AUNIP: variants seen among roughly 807,000 people sequenced by gnomAD.
AUNIP encodes aurora kinase A and ninein interacting protein.
A neutral mutation model predicts 12.2 loss-of-function variants in AUNIP; 16 were observed. The observed-to-expected ratio is 1.31, with a 90% CI of 0.88 to 1.99. The LOEUF is 1.99. Among genes scored for constraint, AUNIP ranks in the 30% most tolerant of loss-of-function variants. The pLI is 0.00. For synonymous variants in AUNIP, 142 were observed against 154.8 expected (o/e 0.92, Z 0.61); for missense variants, 411 against 419.1 (o/e 0.98, Z 0.17).
At position 25,837,566 on chromosome 1, in the gene AUNIP, G is replaced by C; in HGVS notation, c.79-12C>G. The C allele has an allele frequency of 7.5e-6, 12 of 1,606,644 alleles. No individual in the cohort carries two copies. Among genetic ancestry groups the C allele is most frequent in the Admixed American group, 1.7e-5 (1 of 58,670 alleles). The stretch of plus-strand genomic sequence containing the variant: ...TTGATTAAATGTGTCTGAGAAAGGA[G>C]AGAAAAAAGAATAATGAGCCTATTA... On this transcript the variant is annotated splice_polypyrimidine_tract_variant and intron_variant, in intron 1 of 2. Coordinates refer to ENST00000374298, the MANE Select transcript of AUNIP (RefSeq NM_024037.3).
chr1:25,832,182 A>G (rs1392533748), downstream of AUNIP: 31 of 1,541,706 alleles, frequency 2.0e-5, no homozygotes, highest in Middle Eastern at 3.3e-4. Context: ...GCTGGATTAT[A>G]TATTTCCCAG....
At chr1:25,856,467 G>A (rs889124841) in intron 1 of AUNIP, among the ~76,000 whole-genome samples, 1 of 151,890 alleles carries the variant, frequency 6.6e-6, no homozygotes, top group African/African-American at 2.4e-5. Context: ...CCTCAGGTTG[G>A]GAGTTCAAGA....
Position 25,835,017 on chromosome 1 carries a change from AT to A in AUNIP, c.1049del (p.Asn350IlefsTer16). 1 of 1,610,738 alleles carries A rather than the reference AT, an allele frequency of 6.2e-7. No homozygotes were observed. Among genetic ancestry groups the A allele is most frequent in the South Asian group, 1.1e-5 (1 of 90,826 alleles). On this transcript the variant is annotated frameshift_variant, in exon 3 of 3. Transcript: ENST00000374298. LOFTEE classifies it high-confidence loss of function. ...DLLFTQDSEG[N>X]QVIRHQF ...TTTAGAATTGGTGTCTGATAACTTG[AT>A]TACCTTCAGAGTCCTGGGTAAAGAG...
intron 1 of AUNIP, among the ~76,000 whole-genome samples, chr1:25,849,484 TTA>T (rs1416878568): frequency 6.6e-6 from 1 of 152,206 alleles, no homozygotes; most frequent in Non-Finnish European, 1.5e-5. Context: ...TCTGGGCCTT[TTA>T]TGTGTCATAC....
intron 1 of AUNIP, 44 bp downstream of exon 1, chr1:25,859,236 G>A (rs776137734): frequency 1.3e-6 from 2 of 1,548,216 alleles, no homozygotes. Flanking sequence ...ACGCCTCCAG[G>A]CCCTACCTGG....
At chr1:25,836,676 T>C (rs535375098) in intron 2 of AUNIP, among the ~76,000 whole-genome samples, 1 of 152,360 alleles carries the variant, frequency 6.6e-6, no homozygotes, top group East Asian at 1.9e-4. Flanking sequence ...GCATTCAATA[T>C]AGACTATAAA....
intron 1 of AUNIP, among the ~76,000 whole-genome samples, chr1:25,856,487 C>T (rs1355886409): frequency 6.6e-6 from 1 of 151,778 alleles, no homozygotes; most frequent in Middle Eastern, 3.2e-3. Context: ...ACCAGCCTAA[C>T]CAACATGGAG....
intron 1 of AUNIP, among the ~76,000 whole-genome samples, chr1:25,857,482 C>T (rs1018152265): frequency 2.0e-5 from 3 of 150,724 alleles, no homozygotes; most frequent in Non-Finnish European, 4.4e-5. Flanking sequence ...CTCCTGACCT[C>T]AGGTGATCCG....
At chr1:25,837,585 C>G (rs923085697) in intron 1 of AUNIP, 31 bp from the exon 2 acceptor site, 2 of 1,597,610 alleles carry the variant, frequency 1.3e-6, no homozygotes, top group Non-Finnish European at 1.7e-6. Flanking sequence ...GAATAATGAG[C>G]CTATTAATAT....
intron 2 of AUNIP, 129 bp from the exon 3 acceptor site, chr1:25,835,975 A>AT: frequency 7.3e-7 from 1 of 1,360,742 alleles, no homozygotes; most frequent in Non-Finnish European, 9.8e-7. Flanking sequence ...GACTCTTCAC[A>AT]TAACTTTGTA....
At chr1:25,838,388 A>C (rs1333081559) in intron 1 of AUNIP, among the ~76,000 whole-genome samples, 1 of 152,130 alleles carries the variant, frequency 6.6e-6, no homozygotes, top group African/African-American at 2.4e-5. Flanking sequence ...CTGTAGCCCC[A>C]GCTACTTGGG....
Position 25,835,013 on chromosome 1 carries a change from C to G in AUNIP, c.1054G>C (p.Val352Leu). Reference protein sequence around the residue: ...LFTQDSEGNQVIRHQF With the variant: ...LFTQDSEGNQLIRHQF ...AACATTTAGAATTGGTGTCTGATAA[C>G]TTGATTACCTTCAGAGTCCTGGGTA... Residue 352 changes from valine (V) to leucine (L), a missense_variant, in exon 3 of 3, where the codon GTT (valine) becomes CTT (leucine). Physicochemically the swap from Val to Leu is conservative, Grantham distance 32 (BLOSUM62 1). Coordinates refer to ENST00000374298, the MANE Select transcript of AUNIP (RefSeq NM_024037.3). The G allele has an allele frequency of 1.9e-6, 3 of 1,610,314 alleles. No homozygotes were observed. Among genetic ancestry groups the G allele is most frequent in the East Asian group, 4.5e-5 (2 of 44,846 alleles).
chr1:25,841,752 C>T (rs1317144139), intron 1 of AUNIP, among the ~76,000 whole-genome samples: 4 of 152,110 alleles, frequency 2.6e-5, no homozygotes, highest in Non-Finnish European at 5.9e-5. Flanking sequence ...TCTCGATCTC[C>T]TGACCTCGTG....
chr1:25,837,044 C>T (rs559573923), intron 2 of AUNIP, among the ~76,000 whole-genome samples: 4 of 152,174 alleles, frequency 2.6e-5, no homozygotes, highest in Non-Finnish European at 4.4e-5. Context: ...ACAAAAGTAT[C>T]AATTATTAAT....
In AUNIP at chr1:25,835,410, C is replaced by A. The variant is rs770991091; in HGVS notation, c.657G>T (p.Gly219=). The part of the protein sequence containing the change: ...QSMEKHTKLP[G]DKCCQPLGKT... ...TGCCTAAGGGCTGACAGCATTTGTC[C>A]CCAGGTAGTTTGGTGTGTTTCTCCA... is the stretch of plus-strand genomic sequence containing the variant. Residue 219 remains glycine, a synonymous_variant, in exon 3 of 3, where the codon GGG becomes GGT. Transcript: ENST00000374298. 1.2e-6 allele frequency: 2 copies of A among 1,614,204 alleles called. No individual in the cohort carries two copies. Among genetic ancestry groups the A allele is most frequent in the Non-Finnish European group, 1.7e-6 (2 of 1,180,036 alleles).
chr1:25,839,302 A>G (rs2048332629), intron 1 of AUNIP, among the ~76,000 whole-genome samples: 1 of 152,166 alleles, frequency 6.6e-6, no homozygotes, highest in African/African-American at 2.4e-5. Context: ...GCAGAGAAAG[A>G]CCTCCAGAAG....
In AUNIP at chr1:25,856,375, A is replaced by AC. The variant is rs1437128559; in HGVS notation, c.78+2904_78+2905insG. ...CAAGACTCCATCTCAAAAAAAAAAA[A>AC]ACAAAACAAACAATAAAACAAGATT... On this transcript the variant is annotated intron_variant, in intron 1 of 2. Coordinates refer to ENST00000374298, the MANE Select transcript of AUNIP (RefSeq NM_024037.3). Among the ~76,000 whole-genome samples the AC allele has an allele frequency of 6.3e-4, 96 of 151,510 alleles. 1 individual carries two copies. The highest frequency in any genetic ancestry group is 2.2e-3 in the African/African-American group (91 of 41,218).
chr1:25,834,390 C>T lies in AUNIP; in HGVS notation c.*603G>A, dbSNP rs924658046. 21 of 956,054 alleles carry T rather than the reference C, an allele frequency of 2.2e-5. No homozygotes were observed. Among genetic ancestry groups the T allele is most frequent in the Admixed American group, 6.2e-5 (1 of 16,180 alleles). 59.2% of individuals were successfully genotyped at this position (956,054 alleles called of 1,614,324 possible). ...CAGCACTTTGGGAGGCTGAGGTGGG[C>T]GGATCAGGAGGTCAGGAGATGGAGA... On this transcript the variant is annotated 3_prime_UTR_variant, in exon 3 of 3. Transcript: ENST00000374298.
Position 25,837,450 on chromosome 1 carries a change from G to A in AUNIP, c.183C>T (p.His61=), listed in dbSNP as rs1163836176. 5 of 1,613,892 alleles carry A rather than the reference G, an allele frequency of 3.1e-6. No homozygotes were observed. The highest frequency in any genetic ancestry group is 4.2e-6 in the Non-Finnish European group (5 of 1,179,950). Residue 61 remains histidine, a synonymous_variant, in exon 2 of 3, where the codon CAC becomes CAT. Transcript: ENST00000374298. ...TQRRAPSTGI[H]QRSIASFFTL... ...TGAAGAAGGAAGCAATGCTTCTCTG[G>A]TGAATGCCTGTAGATGGAGCTCTTC...
Sources: gnomAD v4.1 joint callset for allele counts (sites outside exome capture counted in the v4.1 genomes callset) on GRCh38, gnomAD v4.1.1 for gene constraint, MANE v1.5 for transcripts, NCBI Gene and HGNC (gene_info 2026-07-23, HGNC 2026-07-21) for gene names.